ZSWIM6: variants seen among roughly 807,000 people sequenced by gnomAD.
ZSWIM6 encodes zinc finger SWIM domain-containing protein 6.
Under a neutral mutation model 113.2 loss-of-function variants are expected in ZSWIM6, and 9 were observed. That is an observed-to-expected ratio of 0.08 (90% CI 0.05 to 0.14). The LOEUF is 0.14. Among genes scored for constraint, ZSWIM6 ranks in the 10% least tolerant of loss-of-function variants. The pLI, the probability that ZSWIM6 is intolerant of heterozygous loss-of-function variation, is 1.00. For missense variants in ZSWIM6, 1,162 were observed against 1,552.2 expected (o/e 0.75, Z 4.22); for synonymous variants, 611 against 606.5 (o/e 1.01, Z -0.11).
chr5:61,419,536 A>G (rs545609020), intron 1 of ZSWIM6, among the ~76,000 whole-genome samples: 1 of 152,378 alleles, frequency 6.6e-6, no homozygotes, highest in East Asian at 1.9e-4. Context: ...GTGGCTATTT[A>G]GATTTACATT....
At chr5:61,485,054 G>A (rs1311285404) in intron 2 of ZSWIM6, among the ~76,000 whole-genome samples, 1 of 152,054 alleles carries the variant, frequency 6.6e-6, no homozygotes, top group African/African-American at 2.4e-5. Context: ...TTTTCCAGGG[G>A]GGAAAATGTA....
chr5:61,344,055 G>A (rs544094679), intron 1 of ZSWIM6, among the ~76,000 whole-genome samples: 83 of 152,030 alleles, frequency 5.5e-4, no homozygotes, highest in Middle Eastern at 3.4e-3. Context: ...CACCACGCCT[G>A]GCTAATTTTT....
At chr5:61,506,399 A>G (rs1748623315) in intron 4 of ZSWIM6, among the ~76,000 whole-genome samples, 1 of 152,040 alleles carries the variant, frequency 6.6e-6, no homozygotes, top group Admixed American at 6.6e-5. Context: ...CCTGGCCAAC[A>G]CAGTGAAACC....
chr5:61,452,394 T>C (rs1031879619), intron 1 of ZSWIM6, among the ~76,000 whole-genome samples: 2 of 152,188 alleles, frequency 1.3e-5, no homozygotes, highest in African/African-American at 4.8e-5. Flanking sequence ...TGCATGTCTC[T>C]TGGTGCACGT....
chr5:61,385,143 T>G (rs1219021410), intron 1 of ZSWIM6, among the ~76,000 whole-genome samples: 4 of 152,242 alleles, frequency 2.6e-5, no homozygotes, highest in African/African-American at 9.6e-5. Context: ...TAAGGTGCAG[T>G]GCAGTCTGTC....
rs534540910 is a variant in ZSWIM6 at position 61,464,627 on chromosome 5, A to T, written c.677-8054A>T. ...GTGAGGGATCAGGTGAGAGCTCCAGAGTGTGGGTGGAAGAATTTGGCTGCC... is the reference window on the plus strand; with the variant it reads ...GTGAGGGATCAGGTGAGAGCTCCAGTGTGTGGGTGGAAGAATTTGGCTGCC... On this transcript the variant is annotated intron_variant, in intron 1 of 13. Transcript: ENST00000252744. 2.0e-5 allele frequency among the ~76,000 whole-genome samples: 3 copies of T among 152,182 alleles called. No individual in the cohort carries two copies. In the South Asian group the frequency reaches 6.2e-4, roughly 32 times the overall value.
intron 4 of ZSWIM6, among the ~76,000 whole-genome samples, chr5:61,514,369 C>T (rs1000600364): frequency 1.3e-5 from 2 of 151,766 alleles, no homozygotes; most frequent in African/African-American, 4.8e-5. Context: ...CTTTAATCCC[C>T]TTCCCTTGCT....
chr5:61,532,568 A>G (rs1439948263), intron 9 of ZSWIM6, among the ~76,000 whole-genome samples: 1 of 152,248 alleles, frequency 6.6e-6, no homozygotes, highest in African/African-American at 2.4e-5. Context: ...CATATAGGGA[A>G]GGGATTTAGA....
chr5:61,451,263 C>T (rs961022490), intron 1 of ZSWIM6, among the ~76,000 whole-genome samples: 2 of 152,122 alleles, frequency 1.3e-5, no homozygotes, highest in Non-Finnish European at 2.9e-5. Flanking sequence ...GTCAGGATAC[C>T]AATGTCAGAG....
chr5:61,489,174 G>C (rs1483701922), intron 2 of ZSWIM6, among the ~76,000 whole-genome samples: 5 of 151,902 alleles, frequency 3.3e-5, no homozygotes, highest in African/African-American at 1.2e-4. Context: ...CTCACATGCA[G>C]ACCCTTCTCT....
At chr5:61,492,104 T>G (rs1239896567) in intron 3 of ZSWIM6, among the ~76,000 whole-genome samples, 1 of 152,122 alleles carries the variant, frequency 6.6e-6, no homozygotes, top group African/African-American at 2.4e-5. Context: ...ACATGAGTGC[T>G]GGTTAAATAG....
chr5:61,487,641 T>G (rs1174643321), intron 2 of ZSWIM6, among the ~76,000 whole-genome samples: 1 of 152,028 alleles, frequency 6.6e-6, no homozygotes, highest in South Asian at 2.1e-4. Flanking sequence ...TTTTATTTTG[T>G]TTTTTGGTAC....
chr5:61,533,020 A>AT (rs1362110580), intron 9 of ZSWIM6, among the ~76,000 whole-genome samples: 1 of 152,230 alleles, frequency 6.6e-6, no homozygotes, highest in African/African-American at 2.4e-5. Flanking sequence ...AGTGTGTGGT[A>AT]TCTGTATTTA....
chr5:61,333,596 G>A (rs1331214773), intron 1 of ZSWIM6, among the ~76,000 whole-genome samples: 2 of 151,924 alleles, frequency 1.3e-5, no homozygotes, highest in African/African-American at 4.8e-5. Flanking sequence ...GCCGCCCGGG[G>A]TTTAAATGTC....
chr5:61,406,363 T>C (rs1403171385), intron 1 of ZSWIM6, among the ~76,000 whole-genome samples: 3 of 152,220 alleles, frequency 2.0e-5, no homozygotes, highest in Non-Finnish European at 4.4e-5. Context: ...ATGTGAAGCC[T>C]AGAAATTTTA....
In ZSWIM6 at chr5:61,332,401, G is replaced by A. The variant is rs1744270827; in HGVS notation, c.129G>A (p.Arg43=). Residue 43 remains arginine, a synonymous_variant, in exon 1 of 14, where the codon CGG becomes CGA. Transcript: ENST00000252744. ...GTGGCGGCTACAGCTCTGCCTGTCGGCCAGGCCCGCGGGCGGGTGGCGCGG... is the reference window on the plus strand; with the variant it reads ...GTGGCGGCTACAGCTCTGCCTGTCGACCAGGCCCGCGGGCGGGTGGCGCGG... ...GAGGGYSSAC[R]PGPRAGGAAA... 2.2e-5 allele frequency: 22 copies of A among 993,218 alleles called. No individual in the cohort carries two copies. In the South Asian group the frequency reaches 9.5e-4, roughly 43 times the overall value. The allele number at this position is 993,218 out of a possible 1,614,324, so 61.5% of individuals were successfully genotyped here.
At chr5:61,410,916 CTTTT>C (rs1746138453) in intron 1 of ZSWIM6, among the ~76,000 whole-genome samples, 1 of 152,114 alleles carries the variant, frequency 6.6e-6, no homozygotes, top group Non-Finnish European at 1.5e-5. Flanking sequence ...GGGGAAAATG[CTTTT>C]TATTAGTTTT....
chr5:61,501,931 G>C lies in ZSWIM6; in HGVS notation c.1333+7521G>C, dbSNP rs78922867. On this transcript the variant is annotated intron_variant, in intron 4 of 13. Transcript: ENST00000252744. ...TCCCTACTTTTCCTGTTTCCTAAGA[G>C]ATAGTACTGACCGCACTTGCCTTCA... 0.011 allele frequency among the ~76,000 whole-genome samples: 1,613 copies of C among 152,250 alleles called. 94 individuals are homozygous for C. In the East Asian group the frequency reaches 0.18, roughly 17 times the overall value.
At chr5:61,504,791 C>T (rs1240037142) in intron 4 of ZSWIM6, among the ~76,000 whole-genome samples, 3 of 152,038 alleles carry the variant, frequency 2.0e-5, no homozygotes, top group South Asian at 2.1e-4. Flanking sequence ...AGCACTTATG[C>T]GTAAATATGG....
Sources: allele counts gnomAD v4.1 joint callset (sites outside exome capture counted in the v4.1 genomes callset), GRCh38; gene constraint gnomAD v4.1.1; transcripts MANE v1.5; gene names NCBI Gene and HGNC (gene_info 2026-07-23, HGNC 2026-07-21).